The following ZNF516 variants were observed in gnomAD, a reference collection of about 807,000 sequenced individuals.
ZNF516 encodes zinc finger protein 516.
In ZNF516, 19 loss-of-function variants were observed where a neutral mutation model predicts 79.7. That is an observed-to-expected ratio of 0.24 (90% CI 0.17 to 0.35). The LOEUF is 0.35. Ranked by LOEUF, ZNF516 falls within the 10% of genes least tolerant of loss-of-function variation. The pLI, the probability that ZNF516 is intolerant of heterozygous loss-of-function variation, is 1.00. For missense variants in ZNF516, 1,678 were observed against 1,679.5 expected (o/e 1.00, Z 0.02); for synonymous variants, 877 against 739.5 (o/e 1.19, Z -3.02).
chr18:76,496,250 G>T, upstream of ZNF516: 1 of 1,269,040 alleles, frequency 7.9e-7, no homozygotes, highest in South Asian at 1.3e-5. Flanking sequence ...TGCGGCCTGC[G>T]GAGGGGTAAC....
chr18:76,428,743 C>T (rs1016510968), intron 3 of ZNF516, among the ~76,000 whole-genome samples: 3 of 152,260 alleles, frequency 2.0e-5, no homozygotes, highest in African/African-American at 7.2e-5. Context: ...CAGAAGTAAA[C>T]TCTCAGGAAG....
intron 3 of ZNF516, among the ~76,000 whole-genome samples, chr18:76,402,720 T>C (rs763609718): frequency 6.6e-6 from 1 of 152,250 alleles, no homozygotes; most frequent in Non-Finnish European, 1.5e-5. Flanking sequence ...CAGGTCTGAC[T>C]CTCACGTGAT....
At chr18:76,477,785 G>A (rs908700152) in intron 1 of ZNF516, among the ~76,000 whole-genome samples, 3 of 151,986 alleles carry the variant, frequency 2.0e-5, no homozygotes, top group Admixed American at 6.5e-5. Flanking sequence ...CTGCTGAAAC[G>A]AAGGAATGCA....
At chr18:76,460,402 T>A (rs1246401787) in intron 2 of ZNF516, among the ~76,000 whole-genome samples, 1 of 152,154 alleles carries the variant, frequency 6.6e-6, no homozygotes, top group Non-Finnish European at 1.5e-5. Context: ...GAATGAGCAT[T>A]CTGGAGTTGT....
At chr18:76,453,149 T>A (rs1414978999) in intron 2 of ZNF516, among the ~76,000 whole-genome samples, 3 of 152,352 alleles carry the variant, frequency 2.0e-5, no homozygotes, top group East Asian at 3.9e-4. Context: ...ATCCAGAGCC[T>A]GCTCCATAAT....
intron 3 of ZNF516, among the ~76,000 whole-genome samples, chr18:76,421,371 G>A (rs557672258): frequency 6.6e-6 from 1 of 152,298 alleles, no homozygotes; most frequent in African/African-American, 2.4e-5. Context: ...GAGACGCTGT[G>A]CTGGCAGTTG....
At chr18:76,370,954 C>T (rs2074693726) in intron 5 of ZNF516, among the ~76,000 whole-genome samples, 1 of 152,202 alleles carries the variant, frequency 6.6e-6, no homozygotes, top group South Asian at 2.1e-4. Context: ...AACCCCGTCT[C>T]CCTGTCTCTC....
chr18:76,425,277 A>C (rs1305892517), intron 3 of ZNF516, among the ~76,000 whole-genome samples: 2 of 152,236 alleles, frequency 1.3e-5, no homozygotes, highest in Non-Finnish European at 2.9e-5. Flanking sequence ...TCTACAACTA[A>C]TACGCCAGTA....
At chr18:76,471,353 C>T (rs191983801) in intron 1 of ZNF516, among the ~76,000 whole-genome samples, 2 of 152,294 alleles carry the variant, frequency 1.3e-5, no homozygotes, top group East Asian at 3.9e-4. Flanking sequence ...TGAATCACCT[C>T]TAACACCTGG....
intron 3 of ZNF516, among the ~76,000 whole-genome samples, chr18:76,432,087 G>A (rs1218190542): frequency 6.6e-6 from 1 of 152,228 alleles, no homozygotes; most frequent in Non-Finnish European, 1.5e-5. Context: ...GTCACCAGTT[G>A]AACAAGGAAG....
chr18:76,379,065 C>G lies in ZNF516; in HGVS notation c.3049G>C (p.Ala1017Pro). The change falls in exon 4 of 7, where the codon GCT becomes CCT. Residue 1017 changes from alanine to proline, a missense_variant. Ala to Pro is a conservative substitution (Grantham distance 27). Transcript: ENST00000443185. ...GCCGCGTCGCCCCTGGACCCCGCAG[C>G]ACAGGTGGCCAGAGTCCTCAGCTCC... Reference protein sequence around the residue: ...AQELRTLATCAAGSRGDAALQ... With the variant: ...AQELRTLATCPAGSRGDAALQ... 1 of 1,610,742 alleles carries G rather than the reference C, an allele frequency of 6.2e-7. No individual in the cohort carries two copies. The highest frequency in any genetic ancestry group is 1.3e-5 in the African/African-American group (1 of 75,040).
At chr18:76,485,228 A>G (rs1409422959) in intron 1 of ZNF516, among the ~76,000 whole-genome samples, 1 of 152,210 alleles carries the variant, frequency 6.6e-6, no homozygotes, top group East Asian at 1.9e-4. Context: ...AATTATCATC[A>G]TTATGCTAAT....
At chr18:76,397,353 C>A (rs964667392) in intron 3 of ZNF516, among the ~76,000 whole-genome samples, 4 of 151,206 alleles carry the variant, frequency 2.6e-5, no homozygotes, top group Non-Finnish European at 5.9e-5. Flanking sequence ...ATGACACATA[C>A]AATGTGAACT....
At chr18:76,483,175 GGA>G (rs1395278633) in intron 1 of ZNF516, among the ~76,000 whole-genome samples, 1 of 152,154 alleles carries the variant, frequency 6.6e-6, no homozygotes, top group Non-Finnish European at 1.5e-5. Flanking sequence ...CTGCTTTGCT[GGA>G]GAAGGCAGGC....
In ZNF516 at chr18:76,362,326, T is replaced by C; in HGVS notation, c.*172A>G. Reference sequence around the variant, plus strand: ...TGAACGTTTAACAAGGAGAGGCATCTGCCTTCAGTTTCCACTCCAGCGCAG... The same window carrying C: ...TGAACGTTTAACAAGGAGAGGCATCCGCCTTCAGTTTCCACTCCAGCGCAG... On this transcript the variant is annotated 3_prime_UTR_variant, in exon 7 of 7. Coordinates refer to ENST00000443185, the MANE Select transcript of ZNF516 (RefSeq NM_014643.4). The C allele has an allele frequency of 3.6e-6, 2 of 557,940 alleles. No individual in the cohort carries two copies. The highest frequency in any genetic ancestry group is 6.6e-6 in the Non-Finnish European group (2 of 304,520). The allele number at this position is 557,940 out of a possible 1,614,324, so 34.6% of individuals were successfully genotyped here. A position where few individuals can be genotyped will look rare whatever the true frequency, so the allele number is the denominator to read the frequency against.
rs1392355145 is a variant in ZNF516 at position 76,358,788 on chromosome 18, G to A, written c.*3710C>T. ...GGAGGGTTTGTCTAGTTTGAAGGAA[G>A]GAATGTTGGTAGACAGTCTCCAGCC... On this transcript the variant is annotated 3_prime_UTR_variant, in exon 7 of 7. Transcript: ENST00000443185. 1 of 152,270 alleles carries A rather than the reference G, an allele frequency of 6.6e-6. No individual in the cohort carries two copies. Among genetic ancestry groups the A allele is most frequent in the African/African-American group, 2.4e-5 (1 of 41,448 alleles). The allele number at this position is 152,270 out of a possible 1,614,324, so 9.4% of individuals were successfully genotyped here. A position where few individuals can be genotyped will look rare whatever the true frequency, so the allele number is the denominator to read the frequency against.
intron 2 of ZNF516, among the ~76,000 whole-genome samples, chr18:76,444,265 G>A (rs1004796671): frequency 3.3e-5 from 5 of 152,176 alleles, no homozygotes; most frequent in African/African-American, 9.7e-5. Context: ...ACAACTCCCC[G>A]GGGACAGGCT....
At chr18:76,423,410 C>T (rs1057339703) in intron 3 of ZNF516, among the ~76,000 whole-genome samples, 8 of 152,238 alleles carry the variant, frequency 5.3e-5, no homozygotes, top group Admixed American at 5.2e-4. Flanking sequence ...GGAGATAAGG[C>T]TCATCCCTGA....
intron 1 of ZNF516, among the ~76,000 whole-genome samples, chr18:76,469,979 A>G (rs572055709): frequency 2.0e-5 from 3 of 152,382 alleles, no homozygotes; most frequent in South Asian, 2.1e-4. Flanking sequence ...GATAATATTT[A>G]TAAGGCATTG....
Sources: allele counts gnomAD v4.1 joint callset (sites outside exome capture counted in the v4.1 genomes callset), GRCh38; gene constraint gnomAD v4.1.1; transcripts MANE v1.5; gene names NCBI Gene and HGNC (gene_info 2026-07-23, HGNC 2026-07-21).